C3orf33: variants seen among roughly 807,000 people sequenced by gnomAD.
The protein encoded by C3orf33 is AP-1 activity suppressor.
In C3orf33, 23 loss-of-function variants were observed where a neutral mutation model predicts 28.7. The ratio of observed to expected loss-of-function variants is 0.80; its 90% CI spans 0.58 to 1.13. The LOEUF (loss-of-function observed/expected upper bound fraction) is 1.13. C3orf33 is among the 50% of genes most tolerant of loss of function. The probability of loss-of-function intolerance (pLI) is 0.00; values close to 1 mark genes in which losing one functional copy is unlikely to be tolerated. For missense variants in C3orf33, 327 were observed against 353.4 expected, an observed-to-expected ratio of 0.93 and a Z score of 0.60; for synonymous variants, 119 against 120.5, an observed-to-expected ratio of 0.99 and a Z score of 0.08.
chr3:155,776,298 AT>A (rs553690972), intron 2 of C3orf33, among the ~76,000 whole-genome samples: 33 of 152,212 alleles, frequency 2.2e-4, no homozygotes, highest in Admixed American at 1.8e-3. Flanking sequence ...TTTTACTATC[AT>A]TTTTTTATCT....
intron 2 of C3orf33, among the ~76,000 whole-genome samples, chr3:155,799,840 C>T (rs913222598): frequency 1.3e-5 from 2 of 151,982 alleles, no homozygotes; most frequent in Non-Finnish European, 2.9e-5. Flanking sequence ...CATGTTCTCA[C>T]TTATTTGAGG....
chr3:155,768,028 C>T (rs1344800216), intron 3 of C3orf33, among the ~76,000 whole-genome samples: 1 of 152,084 alleles, frequency 6.6e-6, no homozygotes, highest in Non-Finnish European at 1.5e-5. Context: ...TACAGGCATG[C>T]ACCACCATGC....
chr3:155,788,170 G>A (rs1217716432), intron 2 of C3orf33, among the ~76,000 whole-genome samples: 6 of 146,460 alleles, frequency 4.1e-5, no homozygotes, highest in East Asian at 2.0e-4. Context: ...CAGCCTGGGC[G>A]ACAGAGCGAG....
chr3:155,776,759 CAAAAAAAA>C lies in C3orf33; in HGVS notation c.175-919_175-912del, dbSNP rs10654812. ...TGACAGAGCGAGAACCTGACTCTGT[CAAAAAAAA>C]AAAAAAAAAAAAAAAAAGAATAAAT... On this transcript the variant is annotated intron_variant, in intron 2 of 4. Coordinates refer to ENST00000340171, the MANE Select transcript of C3orf33 (RefSeq NM_001308229.2). 5.5e-4 allele frequency among the ~76,000 whole-genome samples: 48 copies of C among 86,918 alleles called. No homozygotes were observed. In the East Asian group the frequency reaches 0.01, roughly 19 times the overall value. 57.0% of individuals were successfully genotyped at this position (86,918 alleles called of 152,430 possible). A position where few individuals can be genotyped will look rare whatever the true frequency, so the allele number is the denominator to read the frequency against.
intron 3 of C3orf33, among the ~76,000 whole-genome samples, chr3:155,771,430 C>T (rs1054719064): frequency 6.6e-6 from 1 of 152,126 alleles, no homozygotes; most frequent in African/African-American, 2.4e-5. Flanking sequence ...TACAGGCCTG[C>T]ATCACCACAC....
At chr3:155,787,567 G>C (rs561350363) in intron 2 of C3orf33, among the ~76,000 whole-genome samples, 1 of 151,798 alleles carries the variant, frequency 6.6e-6, no homozygotes, top group Non-Finnish European at 1.5e-5. Flanking sequence ...GCCCAGGCTG[G>C]TCTCAAACTC....
At chr3:155,803,222 A>G (rs547729955) in intron 1 of C3orf33, among the ~76,000 whole-genome samples, 9 of 152,116 alleles carry the variant, frequency 5.9e-5, no homozygotes. Flanking sequence ...TCTCTCAAAA[A>G]GAGTAATAAT....
intron 1 of C3orf33, among the ~76,000 whole-genome samples, chr3:155,803,078 T>G (rs1442806150): frequency 1.3e-5 from 2 of 152,176 alleles, no homozygotes; most frequent in African/African-American, 4.8e-5. Flanking sequence ...GAAAATTTTA[T>G]CACTAAACCT....
intron 2 of C3orf33, among the ~76,000 whole-genome samples, chr3:155,799,833 G>A (rs907409537): frequency 2.0e-5 from 3 of 152,166 alleles, no homozygotes; most frequent in Admixed American, 2.0e-4. Flanking sequence ...AACTTTGCAT[G>A]TTCTCACTTA....
chr3:155,786,981 G>T (rs1458618028), intron 2 of C3orf33, among the ~76,000 whole-genome samples: 1 of 152,128 alleles, frequency 6.6e-6, no homozygotes, highest in Non-Finnish European at 1.5e-5. Context: ...AGCATCACTG[G>T]TCAATTCTAC....
At chr3:155,806,046 G>T in intron 1 of C3orf33, 93 bp downstream of exon 1, 1 of 853,470 alleles carries the variant, frequency 1.2e-6, no homozygotes, top group Non-Finnish European at 1.6e-6. Flanking sequence ...CCCCGGCCCC[G>T]GCGGGATCCA....
chr3:155,795,820 G>A (rs1404570486), intron 2 of C3orf33, among the ~76,000 whole-genome samples: 2 of 151,940 alleles, frequency 1.3e-5, no homozygotes, highest in Non-Finnish European at 2.9e-5. Context: ...GCCAGATGTG[G>A]TGGTGCATGC....
chr3:155,775,361 T>C (rs533848328), intron 3 of C3orf33, among the ~76,000 whole-genome samples: 1 of 151,834 alleles, frequency 6.6e-6, no homozygotes. Flanking sequence ...TGGTGGTGCA[T>C]GACTGTAATC....
intron 2 of C3orf33, among the ~76,000 whole-genome samples, chr3:155,779,375 A>G (rs1750847871): frequency 6.6e-6 from 1 of 151,976 alleles, no homozygotes; most frequent in African/African-American, 2.4e-5. Flanking sequence ...GCTCACTACA[A>G]TCTCTGCCTC....
At chr3:155,789,392 T>C (rs1751244038) in intron 2 of C3orf33, among the ~76,000 whole-genome samples, 1 of 138,228 alleles carries the variant, frequency 7.2e-6, no homozygotes, top group African/African-American at 2.7e-5. Flanking sequence ...TCACAAAGAA[T>C]AAAATAATTA....
intron 2 of C3orf33, among the ~76,000 whole-genome samples, chr3:155,780,360 G>C (rs1750881818): frequency 6.6e-6 from 1 of 152,212 alleles, no homozygotes; most frequent in Non-Finnish European, 1.5e-5. Context: ...TTGAAATCCA[G>C]CTCTGCCATT....
intron 2 of C3orf33, 80 bp downstream of exon 2, chr3:155,802,452 C>T (rs962617641): frequency 1.0e-6 from 1 of 1,003,124 alleles, no homozygotes; most frequent in Admixed American, 1.9e-5. Flanking sequence ...ATATGATACA[C>T]TGTTTGAGAT....
intron 2 of C3orf33, among the ~76,000 whole-genome samples, chr3:155,777,447 CTT>C (rs567430199): frequency 6.9e-6 from 1 of 145,168 alleles, no homozygotes; most frequent in Non-Finnish European, 1.5e-5. Context: ...CATTACAGAT[CTT>C]TTTTTTTTTT....
At position 155,769,252 on chromosome 3, in the gene C3orf33, C is replaced by T. The variant is rs547804325; in HGVS notation, c.323-1583G>A. 2.1e-4 allele frequency among the ~76,000 whole-genome samples: 31 copies of T among 150,890 alleles called. No individual in the cohort carries two copies. The East Asian group carries it at 4.7e-3, about 23-fold the overall frequency. ...GCTTGAATTTGGGAGGCGGAAGTTG[C>T]GGTGAGCCAAGATCGTGCCATTGCA... is the stretch of plus-strand genomic sequence containing the variant. On this transcript the variant is annotated intron_variant, in intron 3 of 4. Coordinates refer to ENST00000340171, the MANE Select transcript of C3orf33 (RefSeq NM_001308229.2).
Sources: gnomAD v4.1 joint callset for allele counts (sites outside exome capture counted in the v4.1 genomes callset) on GRCh38, gnomAD v4.1.1 for gene constraint, MANE v1.5 for transcripts, NCBI Gene and HGNC (gene_info 2026-07-23, HGNC 2026-07-21) for gene names.